FOXJ1: variants seen among roughly 807,000 people sequenced by gnomAD.
FOXJ1 encodes the protein forkhead box J1.
A neutral mutation model predicts 29.3 loss-of-function variants in FOXJ1; 8 were observed. That is an observed-to-expected ratio of 0.27 (90% CI 0.16 to 0.49). The LOEUF (loss-of-function observed/expected upper bound fraction) is 0.49, where lower values mean the gene tolerates loss of function less well. Among genes scored for constraint, FOXJ1 ranks in the 20% least tolerant of loss-of-function variants. The pLI is 0.98. For missense variants in FOXJ1, 539 were observed against 595.5 expected (o/e 0.91, Z 0.99); for synonymous variants, 280 against 278.7 (o/e 1.00, Z -0.05).
Position 76,140,453 on chromosome 17 carries a change from C to T in FOXJ1, c.-58G>A. ...ATCCACGGGCTGAGCCGGGGGTGGCCCGCCGCGCTCTCTGGCCCGCTGAGT... is the reference window on the plus strand; with the variant it reads ...ATCCACGGGCTGAGCCGGGGGTGGCTCGCCGCGCTCTCTGGCCCGCTGAGT... On this transcript the variant is annotated 5_prime_UTR_variant, in exon 2 of 3. Coordinates refer to ENST00000322957, the MANE Select transcript of FOXJ1 (RefSeq NM_001454.4). This position sits in a 1 kb window ranked among gnomAD's most constrained non-coding sequence, Gnocchi z 8.0. 7.4e-7 allele frequency: 1 copy of T among 1,352,792 alleles called. No homozygotes were observed. The allele number at this position is 1,352,792 out of a possible 1,614,324, so 83.8% of individuals were successfully genotyped here.
At position 76,140,730 on chromosome 17, in the gene FOXJ1, C is replaced by T; in HGVS notation, c.-169-166G>A. On this transcript the variant is annotated intron_variant, in intron 1 of 2. Coordinates refer to ENST00000322957, the MANE Select transcript of FOXJ1 (RefSeq NM_001454.4). The surrounding 1 kb of genome is among the most constrained non-coding windows in gnomAD (Gnocchi z 8.0). ...TGGGGTCCCACCCCCATCAGATCTGCCTCCCTCTTCCTTTCCTCTTCGAGG... is the reference window on the plus strand; with the variant it reads ...TGGGGTCCCACCCCCATCAGATCTGTCTCCCTCTTCCTTTCCTCTTCGAGG... 3.5e-6 allele frequency: 1 copy of T among 286,878 alleles called. No individual in the cohort carries two copies. The highest frequency in any genetic ancestry group is 6.5e-6 in the Non-Finnish European group (1 of 154,948). 17.8% of individuals were successfully genotyped at this position (286,878 alleles called of 1,614,324 possible). A position where few individuals can be genotyped will look rare whatever the true frequency, so the allele number is the denominator to read the frequency against.
rs1464175088 is a variant in FOXJ1, at chr17:76,140,532, C to G, written c.-137G>C. On this transcript the variant is annotated 5_prime_UTR_variant, in exon 2 of 3. Coordinates refer to ENST00000322957, the MANE Select transcript of FOXJ1 (RefSeq NM_001454.4). This position sits in a 1 kb window ranked among gnomAD's most constrained non-coding sequence, Gnocchi z 8.0. Reference sequence around the variant, plus strand: ...GACGCGCGCTTCCATCTCGCGACCCCGGGGGCGCCTCCTCCGAATAAGTAT... The same window carrying G: ...GACGCGCGCTTCCATCTCGCGACCCGGGGGGCGCCTCCTCCGAATAAGTAT... The G allele has an allele frequency of 2.6e-6, 2 of 758,120 alleles. No homozygotes were observed. Among genetic ancestry groups the G allele is most frequent in the African/African-American group, 3.8e-5 (2 of 53,302 alleles). 47.0% of individuals were successfully genotyped at this position (758,120 alleles called of 1,614,324 possible).
rs2068507839 is a variant in FOXJ1 at position 76,140,270 on chromosome 17, G to A, written c.126C>T (p.Phe42=). The A allele has an allele frequency of 2.7e-6, 4 of 1,477,606 alleles. No homozygotes were observed. In the South Asian group the frequency reaches 4.3e-5, roughly 16 times the overall value. The allele number at this position is 1,477,606 out of a possible 1,614,324, so 91.5% of individuals were successfully genotyped here. Residue 42 remains phenylalanine, a synonymous_variant, in exon 2 of 3, where the codon TTC becomes TTT. Transcript: ENST00000322957. This position sits in a 1 kb window ranked among gnomAD's most constrained non-coding sequence, Gnocchi z 8.0. The part of the protein sequence containing the change: ...SLTSLQWLQE[F]SILNAKAPAL... ...CGGGGGCCTTGGCGTTGAGAATGGAGAATTCCTGCAGCCACTGCAGGCTGG... is the reference window on the plus strand; with the variant it reads ...CGGGGGCCTTGGCGTTGAGAATGGAAAATTCCTGCAGCCACTGCAGGCTGG...
At position 76,137,883 on chromosome 17, in the gene FOXJ1, C is replaced by T. The variant is rs778323453; in HGVS notation, c.736G>A (p.Glu246Lys). ...PRAGPLTVNT[E>K]AQQLLREFEE... ...AACTCCCGCAGCAGCTGCTGGGCCT[C>T]GGTATTCACCGTCAGCGGCCCGGCC... The change falls in exon 3 of 3, where the codon GAG (glutamate) becomes AAG (lysine). Residue 246 changes from glutamate (E) to lysine (K), a missense_variant. By Grantham distance (56) the Glu-to-Lys change is moderately conservative. Coordinates refer to ENST00000322957, the MANE Select transcript of FOXJ1 (RefSeq NM_001454.4). The surrounding 1 kb of genome is among the most constrained non-coding windows in gnomAD (Gnocchi z 9.5). 7.0e-6 allele frequency: 11 copies of T among 1,577,132 alleles called. No individual in the cohort carries two copies. The highest frequency in any genetic ancestry group is 5.4e-5 in the Admixed American group (3 of 56,044).
Position 76,140,090 on chromosome 17 carries a change from C to T in FOXJ1, c.306G>A (p.Pro102=), listed in dbSNP as rs1407531618. The stretch of plus-strand genomic sequence containing the variant: ...CGTCGGGGGGTGGGGCCTGCAGCCC[C>T]GGGGGCGCGCTCCGCGACGTGCACG... ...TSSCTSRSAP[P]GLQAPPPDDV... The change falls in exon 2 of 3, where the codon CCG becomes CCA. Residue 102 remains proline (P), a synonymous_variant. Transcript: ENST00000322957. The surrounding 1 kb of genome is among the most constrained non-coding windows in gnomAD (Gnocchi z 8.0). 2 of 1,603,022 alleles carry T rather than the reference C, an allele frequency of 1.2e-6. No homozygotes were observed. The highest frequency in any genetic ancestry group is 1.7e-6 in the Non-Finnish European group (2 of 1,179,178).
Position 76,137,365 on chromosome 17 carries a change from CCCCACG to C in FOXJ1, c.1248_1253del (p.Ser416_Gly418delinsArg). The C allele has an allele frequency of 1.3e-6, 2 of 1,494,786 alleles. No homozygotes were observed. Among genetic ancestry groups the C allele is most frequent in the Non-Finnish European group, 8.9e-7 (1 of 1,124,446 alleles). 92.6% of individuals were successfully genotyped at this position (1,494,786 alleles called of 1,614,324 possible). A position where few individuals can be genotyped will look rare whatever the true frequency, so the allele number is the denominator to read the frequency against. ...AGGGCCTGGCCTCTTACAAGAAGGC[CCCCACG>C]CTGGCCCAGTCCTGCAGGTCGGAGG... On this transcript the variant is annotated inframe_deletion, in exon 3 of 3. Transcript: ENST00000322957. The surrounding 1 kb of genome is among the most constrained non-coding windows in gnomAD (Gnocchi z 9.5).
rs923813795 is a variant in FOXJ1 at position 76,141,223 on chromosome 17, C to A, written c.-279G>T. 2 of 152,380 alleles carry A rather than the reference C, an allele frequency of 1.3e-5. No homozygotes were observed. Among genetic ancestry groups the A allele is most frequent in the African/African-American group, 2.4e-5 (1 of 41,426 alleles). 9.4% of individuals were successfully genotyped at this position (152,380 alleles called of 1,614,324 possible). ...GGCCCTGCCAGCGCCTCTTGCCGCCCCCCCGCCCGACGGCGCTTCTCTGAG... is the reference window on the plus strand; with the variant it reads ...GGCCCTGCCAGCGCCTCTTGCCGCCACCCCGCCCGACGGCGCTTCTCTGAG... On this transcript the variant is annotated 5_prime_UTR_variant, in exon 1 of 3. Coordinates refer to ENST00000322957, the MANE Select transcript of FOXJ1 (RefSeq NM_001454.4). This position sits in a 1 kb window ranked among gnomAD's most constrained non-coding sequence, Gnocchi z 4.2.
In FOXJ1 at chr17:76,140,646, A is replaced by C; in HGVS notation, c.-169-82T>G. 4.5e-6 allele frequency: 2 copies of C among 440,316 alleles called. No homozygotes were observed. Among genetic ancestry groups the C allele is most frequent in the East Asian group, 3.8e-5 (1 of 26,368 alleles). The allele number at this position is 440,316 out of a possible 1,614,324, so 27.3% of individuals were successfully genotyped here. A position where few individuals can be genotyped will look rare whatever the true frequency, so the allele number is the denominator to read the frequency against. On this transcript the variant is annotated intron_variant, in intron 1 of 2. Coordinates refer to ENST00000322957, the MANE Select transcript of FOXJ1 (RefSeq NM_001454.4). The surrounding 1 kb of genome is among the most constrained non-coding windows in gnomAD (Gnocchi z 8.0). ...GTACGGGGACGCCCTCTCTAACATC[A>C]TCCCCGCAGCTGGGGAGGATCTTTT...
Position 76,137,926 on chromosome 17 carries a change from C to A in FOXJ1, c.693G>T (p.Glu231Asp). The A allele has an allele frequency of 1.9e-6, 3 of 1,571,950 alleles. No homozygotes were observed. The highest frequency in any genetic ancestry group is 2.6e-6 in the Non-Finnish European group (3 of 1,159,404). ...HPAFARQAAQ[E>D]PSAVPRAGPL... The stretch of plus-strand genomic sequence containing the variant: ...GCCCGGCCCGGGGGACAGCGCTGGG[C>A]TCCTGCGCGGCCTGGCGGGCAAAGG... The change falls in exon 3 of 3, where the codon GAG (glutamate) becomes GAT (aspartate). Residue 231 changes from glutamate (E) to aspartate (D), a missense_variant. Coordinates refer to ENST00000322957, the MANE Select transcript of FOXJ1 (RefSeq NM_001454.4). This position sits in a 1 kb window ranked among gnomAD's most constrained non-coding sequence, Gnocchi z 9.5.
In FOXJ1 at chr17:76,137,163, C is replaced by A; in HGVS notation, c.*190G>T. ...AGGAGGCAGCGATTCTGGTCCTGGG[C>A]CCTCGTTTTCAGCCTCCTGGGCTTG... On this transcript the variant is annotated 3_prime_UTR_variant, in exon 3 of 3. Coordinates refer to ENST00000322957, the MANE Select transcript of FOXJ1 (RefSeq NM_001454.4). This position sits in a 1 kb window ranked among gnomAD's most constrained non-coding sequence, Gnocchi z 9.5. The A allele has an allele frequency of 2.0e-6, 1 of 497,730 alleles. No homozygotes were observed. The highest frequency in any genetic ancestry group is 3.4e-6 in the Non-Finnish European group (1 of 289,910). 30.8% of individuals were successfully genotyped at this position (497,730 alleles called of 1,614,324 possible). A position where few individuals can be genotyped will look rare whatever the true frequency, so the allele number is the denominator to read the frequency against.
In FOXJ1 at chr17:76,139,783, C is replaced by T. The variant is rs971691284; in HGVS notation, c.498+115G>A. On this transcript the variant is annotated intron_variant, in intron 2 of 2. Coordinates refer to ENST00000322957, the MANE Select transcript of FOXJ1 (RefSeq NM_001454.4). This position sits in a 1 kb window ranked among gnomAD's most constrained non-coding sequence, Gnocchi z 6.6. ...TCCTTTGCAGGGCTCCCTTCTGGGG[C>T]GCTGGCCGCACCGCAGAGCCTACTT... The T allele has an allele frequency of 2.6e-6, 3 of 1,156,266 alleles. No homozygotes were observed. The highest frequency in any genetic ancestry group is 3.7e-6 in the Non-Finnish European group (3 of 813,412). 71.6% of individuals were successfully genotyped at this position (1,156,266 alleles called of 1,614,324 possible).
At position 76,140,708 on chromosome 17, in the gene FOXJ1, G is replaced by A. The variant is rs771931272; in HGVS notation, c.-169-144C>T. The A allele has an allele frequency of 5.8e-6, 2 of 342,526 alleles. No homozygotes were observed. Among genetic ancestry groups the A allele is most frequent in the Non-Finnish European group, 1.1e-5 (2 of 190,182 alleles). 21.2% of individuals were successfully genotyped at this position (342,526 alleles called of 1,614,324 possible). A position where few individuals can be genotyped will look rare whatever the true frequency, so the allele number is the denominator to read the frequency against. On this transcript the variant is annotated intron_variant, in intron 1 of 2. Transcript: ENST00000322957. This position sits in a 1 kb window ranked among gnomAD's most constrained non-coding sequence, Gnocchi z 8.0. Reference sequence around the variant, plus strand: ...ATGGGAAACAGAAGCAAGGCCCTGGGGTCCCACCCCCATCAGATCTGCCTC... The same window carrying A: ...ATGGGAAACAGAAGCAAGGCCCTGGAGTCCCACCCCCATCAGATCTGCCTC...
At position 76,138,128 on chromosome 17, in the gene FOXJ1, C is replaced by A; in HGVS notation, c.499-8G>T. 2 of 1,613,236 alleles carry A rather than the reference C, an allele frequency of 1.2e-6. No individual in the cohort carries two copies. The highest frequency in any genetic ancestry group is 1.7e-6 in the Non-Finnish European group (2 of 1,179,824). ...GTTGTGGCGGATTGAATTCTGGGTG[C>A]AGGGAGAGAGCAAGAGAGAGAGGAA... On this transcript the variant is annotated splice_polypyrimidine_tract_variant and splice_region_variant and intron_variant, in intron 2 of 2. Transcript: ENST00000322957.
rs765183665 is a variant in FOXJ1 at position 76,137,904 on chromosome 17, C to G, written c.715G>C (p.Gly239Arg). The change falls in exon 3 of 3, where the codon GGG becomes CGG. Residue 239 changes from glycine to arginine, a missense_variant. Transcript: ENST00000322957. The surrounding 1 kb of genome is among the most constrained non-coding windows in gnomAD (Gnocchi z 9.5). Reference protein sequence around the residue: ...AQEPSAVPRAGPLTVNTEAQQ... With the variant: ...AQEPSAVPRARPLTVNTEAQQ... Reference sequence around the variant, plus strand: ...GCCTCGGTATTCACCGTCAGCGGCCCGGCCCGGGGGACAGCGCTGGGCTCC... The same window carrying G: ...GCCTCGGTATTCACCGTCAGCGGCCGGGCCCGGGGGACAGCGCTGGGCTCC... 4 of 1,565,158 alleles carry G rather than the reference C, an allele frequency of 2.6e-6. No homozygotes were observed. Among genetic ancestry groups the G allele is most frequent in the Non-Finnish European group, 2.6e-6 (3 of 1,155,142 alleles).
Position 76,136,533 on chromosome 17 carries a change from G to C in FOXJ1, c.*820C>G, listed in dbSNP as rs2144760515. 6.6e-6 allele frequency: 1 copy of C among 152,292 alleles called. No individual in the cohort carries two copies. Among genetic ancestry groups the C allele is most frequent in the African/African-American group, 2.4e-5 (1 of 41,478 alleles). 9.4% of individuals were successfully genotyped at this position (152,292 alleles called of 1,614,324 possible). On this transcript the variant is annotated 3_prime_UTR_variant, in exon 3 of 3. Transcript: ENST00000322957. This position sits in a 1 kb window ranked among gnomAD's most constrained non-coding sequence, Gnocchi z 4.9. The stretch of plus-strand genomic sequence containing the variant: ...CCGCTTCTTGGTCCCAGTAGTTCCA[G>C]CAAGCTCGGCATCCCTCCCAGTTAA...
chr17:76,138,532 G>A (rs117288771), intron 2 of FOXJ1, among the ~76,000 whole-genome samples: 1 of 152,208 alleles, frequency 6.6e-6, no homozygotes, highest in Non-Finnish European at 1.5e-5. Flanking sequence ...TGAGTGAGTG[G>A]GTCCAGGGAG....
chr17:76,140,339 C>T lies in FOXJ1; in HGVS notation c.57G>A (p.Pro19=). 2 of 1,497,184 alleles carry T rather than the reference C, an allele frequency of 1.3e-6. No homozygotes were observed. Among genetic ancestry groups the T allele is most frequent in the Non-Finnish European group, 1.8e-6 (2 of 1,130,244 alleles). 92.7% of individuals were successfully genotyped at this position (1,497,184 alleles called of 1,614,324 possible). ...CGTCGGGCTCCTCCAGGCCGCCCTC[C>T]GGCCCGGCCTCCTCCGCCGGCCCGG... is the stretch of plus-strand genomic sequence containing the variant. The part of the protein sequence containing the change: ...SGAGPAEEAG[P]EGGLEEPDAL... The change falls in exon 2 of 3, where the codon CCG becomes CCA. Residue 19 remains proline (P), a synonymous_variant. Coordinates refer to ENST00000322957, the MANE Select transcript of FOXJ1 (RefSeq NM_001454.4). The surrounding 1 kb of genome is among the most constrained non-coding windows in gnomAD (Gnocchi z 8.0).
Position 76,138,016 on chromosome 17 carries a change from G to A in FOXJ1, c.603C>T (p.Tyr201=), listed in dbSNP as rs370887811. Residue 201 remains tyrosine (Y), a synonymous_variant, in exon 3 of 3, where the codon TAC becomes TAT. Transcript: ENST00000322957. ...KGGFWRIDPQ[Y]AERLLSGAFK... ...AAGCGCCGCTCAGTAGCCGCTCCGCGTACTGGGGGTCAATGCGCCAGAAGC... is the reference window on the plus strand; with the variant it reads ...AAGCGCCGCTCAGTAGCCGCTCCGCATACTGGGGGTCAATGCGCCAGAAGC... 1.2e-5 allele frequency: 19 copies of A among 1,613,490 alleles called. No individual in the cohort carries two copies. The highest frequency in any genetic ancestry group is 4.0e-5 in the African/African-American group (3 of 74,942).
rs140026938 is a variant in FOXJ1 at position 76,137,748 on chromosome 17, T to A, written c.871A>T (p.Thr291Ser). ...RVAKVPRPPSTLLPTPEEQGE... is the reference protein window; with the variant it reads ...RVAKVPRPPSSLLPTPEEQGE... The stretch of plus-strand genomic sequence containing the variant: ...TGCTCCTCCGGGGTGGGCAGCAGGG[T>A]GCTGGGGGGCCGCGGGACCTTGGCC... Residue 291 changes from threonine (T) to serine (S), a missense_variant, in exon 3 of 3, where the codon ACC becomes TCC. Coordinates refer to ENST00000322957, the MANE Select transcript of FOXJ1 (RefSeq NM_001454.4). This position sits in a 1 kb window ranked among gnomAD's most constrained non-coding sequence, Gnocchi z 9.5. The A allele has an allele frequency of 3.4e-4, 544 of 1,610,334 alleles. No individual in the cohort carries two copies. The African/African-American group carries it at 5.8e-3, about 17-fold the overall frequency.
Sources: gnomAD v4.1 joint callset for allele counts (sites outside exome capture counted in the v4.1 genomes callset) on GRCh38, gnomAD v4.1.1 for gene constraint, Gnocchi (gnomAD v3.1) non-coding constraint, MANE v1.5 for transcripts, NCBI Gene and HGNC (gene_info 2026-07-23, HGNC 2026-07-21) for gene names.